Variants in SLC10A7 observed in about 807,000 individuals in gnomAD.
The protein encoded by SLC10A7 is sodium/bile acid cotransporter 7.
A neutral mutation model predicts 43.2 loss-of-function variants in SLC10A7; 29 were observed. The observed-to-expected ratio is 0.67, with a 90% CI of 0.50 to 0.92. The LOEUF is 0.92. Ranked by LOEUF, SLC10A7 falls within the 40% of genes least tolerant of loss-of-function variation. The pLI is 0.00. For synonymous variants in SLC10A7, 152 were observed against 144.8 expected, an observed-to-expected ratio of 1.05 and a Z score of -0.35; for missense variants, 295 against 403.2, an observed-to-expected ratio of 0.73 and a Z score of 2.30.
At chr4:146,427,467 CA>C (rs1346933127) in intron 5 of SLC10A7, among the ~76,000 whole-genome samples, 2 of 152,138 alleles carry the variant, frequency 1.3e-5, no homozygotes, top group Middle Eastern at 3.4e-3. Flanking sequence ...TTGACTTCAA[CA>C]GTTGTTTGGC....
At chr4:146,373,073 C>T (rs554066623) in intron 5 of SLC10A7, among the ~76,000 whole-genome samples, 1 of 152,256 alleles carries the variant, frequency 6.6e-6, no homozygotes, top group Non-Finnish European at 1.5e-5. Context: ...CTTCTTAGTG[C>T]ACCTAAGGGT....
At chr4:146,269,155 T>C (rs1202604029) in intron 10 of SLC10A7, among the ~76,000 whole-genome samples, 3 of 152,236 alleles carry the variant, frequency 2.0e-5, no homozygotes, top group African/African-American at 7.2e-5. Context: ...CAGCTGGTGT[T>C]GCTTCTGTTT....
chr4:146,256,841 T>C (rs1285334767), intron 11 of SLC10A7: 1 of 1,535,344 alleles, frequency 6.5e-7, no homozygotes, highest in East Asian at 2.4e-5. Flanking sequence ...GGATGGACTC[T>C]TGGTATTTAT....
chr4:146,507,523 T>C (rs1014895294), intron 3 of SLC10A7, among the ~76,000 whole-genome samples: 1 of 152,054 alleles, frequency 6.6e-6, no homozygotes, highest in Non-Finnish European at 1.5e-5. Context: ...ATTACGCCAC[T>C]GCACTCCAGC....
At chr4:146,270,050 G>A (rs1214890976) in intron 10 of SLC10A7, among the ~76,000 whole-genome samples, 2 of 152,146 alleles carry the variant, frequency 1.3e-5, no homozygotes, top group Admixed American at 6.5e-5. Context: ...ATAAAAGAAT[G>A]AGGCAGTTTT....
intron 9 of SLC10A7, among the ~76,000 whole-genome samples, chr4:146,291,421 C>A (rs1398769393): frequency 6.6e-6 from 1 of 152,160 alleles, no homozygotes; most frequent in African/African-American, 2.4e-5. Context: ...CCTAGTGCTA[C>A]ACCAAGTGCT....
At chr4:146,412,761 T>C (rs1224486520) in intron 5 of SLC10A7, among the ~76,000 whole-genome samples, 2 of 152,042 alleles carry the variant, frequency 1.3e-5, no homozygotes, top group Non-Finnish European at 2.9e-5. Context: ...TGGGGAGCAG[T>C]TGGGGGAGAA....
chr4:146,287,728 C>T (rs1730129747), intron 9 of SLC10A7, among the ~76,000 whole-genome samples: 1 of 152,128 alleles, frequency 6.6e-6, no homozygotes, highest in African/African-American at 2.4e-5. Flanking sequence ...TGTCCAGCAA[C>T]GTTTGTGGTG....
At chr4:146,336,497 G>T (rs2149720830) in intron 5 of SLC10A7, among the ~76,000 whole-genome samples, 1 of 151,988 alleles carries the variant, frequency 6.6e-6, no homozygotes, top group South Asian at 2.1e-4. Flanking sequence ...TTTGGTATTT[G>T]CAGTGATGTT....
intron 10 of SLC10A7, 89 bp from the exon 11 acceptor site, chr4:146,258,926 T>C: frequency 7.2e-7 from 1 of 1,393,104 alleles, no homozygotes; most frequent in Non-Finnish European, 9.8e-7. Flanking sequence ...AACTTTGGAA[T>C]AGGTTATTAC....
At chr4:146,273,493 G>T (rs995644707) in intron 10 of SLC10A7, among the ~76,000 whole-genome samples, 5 of 152,096 alleles carry the variant, frequency 3.3e-5, no homozygotes, top group African/African-American at 1.2e-4. Context: ...CTCAAATGAG[G>T]TTAAAATAAC....
intron 4 of SLC10A7, among the ~76,000 whole-genome samples, chr4:146,498,372 C>A (rs898802107): frequency 6.6e-6 from 1 of 152,202 alleles, no homozygotes; most frequent in African/African-American, 2.4e-5. Flanking sequence ...CCAGCCTCGG[C>A]CTCCCAAAGT....
At chr4:146,349,586 A>C (rs186531528) in intron 5 of SLC10A7, among the ~76,000 whole-genome samples, 1 of 152,238 alleles carries the variant, frequency 6.6e-6, no homozygotes, top group Non-Finnish European at 1.5e-5. Context: ...ACTATTCACA[A>C]TAGTAAAGAC....
At chr4:146,366,233 A>C (rs1244002320) in intron 5 of SLC10A7, among the ~76,000 whole-genome samples, 1 of 152,178 alleles carries the variant, frequency 6.6e-6, no homozygotes, top group East Asian at 1.9e-4. Flanking sequence ...CTGAGGCCAG[A>C]TGGGTTTCAA....
intron 10 of SLC10A7, among the ~76,000 whole-genome samples, chr4:146,273,559 T>C (rs939466204): frequency 6.6e-6 from 1 of 152,120 alleles, no homozygotes; most frequent in Non-Finnish European, 1.5e-5. Context: ...AAGTACCTAG[T>C]ATAGTACCTG....
intron 3 of SLC10A7, among the ~76,000 whole-genome samples, chr4:146,509,040 T>A (rs1470500254): frequency 1.3e-5 from 2 of 152,192 alleles, no homozygotes; most frequent in Admixed American, 6.5e-5. Flanking sequence ...TATGTTTCCT[T>A]TCCCTAGAAC....
At chr4:146,417,249 T>C (rs1728642673) in intron 5 of SLC10A7, among the ~76,000 whole-genome samples, 1 of 152,210 alleles carries the variant, frequency 6.6e-6, no homozygotes, top group South Asian at 2.1e-4. Flanking sequence ...GTGAAGAAGA[T>C]GGCACAGGAT....
At chr4:146,503,782 G>A in intron 4 of SLC10A7, 67 bp downstream of exon 4, 1 of 1,435,036 alleles carries the variant, frequency 7.0e-7, no homozygotes, top group Non-Finnish European at 9.8e-7. Context: ...GTCCAAAAAT[G>A]TGATATATTT....
At chr4:146,412,320 A>G (rs528279636) in intron 5 of SLC10A7, among the ~76,000 whole-genome samples, 1 of 152,280 alleles carries the variant, frequency 6.6e-6, no homozygotes. Context: ...TCCCTCAAAC[A>G]TTAGTATTGA....
Sources: gnomAD v4.1 joint callset for allele counts (sites outside exome capture counted in the v4.1 genomes callset) on GRCh38, gnomAD v4.1.1 for gene constraint, MANE v1.5 for transcripts, NCBI Gene and HGNC (gene_info 2026-07-23, HGNC 2026-07-21) for gene names.